Variants in MTA3 observed in about 807,000 individuals in gnomAD.
MTA3 encodes the protein metastasis-associated protein MTA3.
Under a neutral mutation model 83.5 loss-of-function variants are expected in MTA3, and 34 were observed. The observed-to-expected ratio is 0.41, with a 90% CI of 0.31 to 0.54. The LOEUF (loss-of-function observed/expected upper bound fraction) is 0.54. Among genes scored for constraint, MTA3 ranks in the 20% least tolerant of loss-of-function variants. MTA3 has a pLI of 0.33. For missense variants in MTA3, 761 were observed against 726.4 expected (o/e 1.05, Z -0.55); for synonymous variants, 303 against 252.7 (o/e 1.20, Z -1.89).
At chr2:42,578,720 C>T (rs960491802) in intron 2 of MTA3, among the ~76,000 whole-genome samples, 2 of 151,944 alleles carry the variant, frequency 1.3e-5, no homozygotes, top group African/African-American at 2.4e-5. Context: ...AAATTATTTC[C>T]GTCAGTTGTG....
chr2:42,702,343 A>G (rs190752038), intron 11 of MTA3: 1 of 152,390 alleles, frequency 6.6e-6, no homozygotes, highest in Non-Finnish European at 1.5e-5. Context: ...CAGTGGTTAA[A>G]TGATTTCTTC....
chr2:42,508,827 A>T (rs1674763009), intron 2 of MTA3, among the ~76,000 whole-genome samples: 1 of 146,778 alleles, frequency 6.8e-6, no homozygotes, highest in African/African-American at 2.5e-5. Flanking sequence ...GATATATATG[A>T]TATATAATAT....
At chr2:42,626,007 A>G (rs530677749) in intron 4 of MTA3, among the ~76,000 whole-genome samples, 11 of 147,382 alleles carry the variant, frequency 7.5e-5, no homozygotes, top group Non-Finnish European at 1.3e-4. Context: ...CAGTGGCGCA[A>G]TCTCGGCTCA....
intron 8 of MTA3, among the ~76,000 whole-genome samples, chr2:42,662,822 C>T (rs1689852699): frequency 6.6e-6 from 1 of 151,510 alleles, no homozygotes; most frequent in Non-Finnish European, 1.5e-5. Context: ...ATCTCCGCTT[C>T]CCGGGTTCAA....
At chr2:42,619,446 A>T (rs573612881) in intron 4 of MTA3, among the ~76,000 whole-genome samples, 1 of 152,344 alleles carries the variant, frequency 6.6e-6, no homozygotes, top group Admixed American at 6.5e-5. Context: ...ATTTAAAATG[A>T]TATTTATATT....
chr2:42,551,857 G>A (rs1330660891), intron 2 of MTA3, among the ~76,000 whole-genome samples: 2 of 151,972 alleles, frequency 1.3e-5, no homozygotes, highest in East Asian at 3.9e-4. Context: ...CTCCAGAGTA[G>A]CTGGGATTAC....
intron 8 of MTA3, among the ~76,000 whole-genome samples, chr2:42,661,155 G>T (rs567515578): frequency 6.6e-6 from 1 of 152,290 alleles, no homozygotes; most frequent in African/African-American, 2.4e-5. Flanking sequence ...TCCAAAATGG[G>T]TTTGTATTTC....
At chr2:42,560,068 A>T (rs975420165) in intron 2 of MTA3, among the ~76,000 whole-genome samples, 5 of 151,630 alleles carry the variant, frequency 3.3e-5, no homozygotes, top group East Asian at 3.9e-4. Context: ...TTTTAATTTT[A>T]ATTTTTATTT....
intron 8 of MTA3, among the ~76,000 whole-genome samples, chr2:42,660,203 C>T (rs373326157): frequency 4.6e-5 from 7 of 152,228 alleles, no homozygotes; most frequent in African/African-American, 1.7e-4. Flanking sequence ...ATTCTCGTGC[C>T]TCAGCCTCCT....
At chr2:42,730,368 T>TTTG (rs1201188158) in intron 16 of MTA3, among the ~76,000 whole-genome samples, 1 of 152,220 alleles carries the variant, frequency 6.6e-6, no homozygotes, top group African/African-American at 2.4e-5. Flanking sequence ...TATATGGCTT[T>TTTG]TATTGTGTTG....
chr2:42,613,804 G>C (rs1439733847), intron 4 of MTA3: 1 of 152,320 alleles, frequency 6.6e-6, no homozygotes, highest in East Asian at 1.9e-4. Context: ...TCCACCGGAA[G>C]AGAGAGTGGA....
intron 2 of MTA3, among the ~76,000 whole-genome samples, chr2:42,557,387 G>A (rs1677448998): frequency 6.6e-6 from 1 of 152,052 alleles, no homozygotes; most frequent in South Asian, 2.1e-4. Context: ...GGGAGTCAGG[G>A]CTTCCAGAAG....
At chr2:42,602,843 CAG>C (rs777010076) in intron 3 of MTA3, among the ~76,000 whole-genome samples, 41 of 152,308 alleles carry the variant, frequency 2.7e-4, no homozygotes, top group Non-Finnish European at 2.4e-4. Context: ...TTACCAAAGA[CAG>C]GGGCCCAGCC....
At chr2:42,576,842 A>G (rs1679091614) in intron 2 of MTA3, among the ~76,000 whole-genome samples, 2 of 152,162 alleles carry the variant, frequency 1.3e-5, no homozygotes, top group African/African-American at 4.8e-5. Flanking sequence ...AGTTGCAGTG[A>G]GCTGAGATCG....
chr2:42,495,080 G>C (rs1348620958), intron 1 of MTA3: 2 of 152,714 alleles, frequency 1.3e-5, no homozygotes, highest in African/African-American at 4.8e-5. Context: ...GGTAGGGTGA[G>C]ATGCGGTCAT....
Position 42,704,262 on chromosome 2 carries a change from G to A in MTA3, c.1094G>A (p.Gly365Glu), listed in dbSNP as rs779307730. 6 of 1,613,956 alleles carry A rather than the reference G, an allele frequency of 3.7e-6. No homozygotes were observed. In the Admixed American group the frequency reaches 6.7e-5, roughly 18 times the overall value. ...GKPGAVNGAV[G>E]TTFQPQNPLL... ...CCTGGTGCTGTGAATGGAGCTGTGG[G>A]GACCACGTTCCAGCCTCAGAATCCT... Residue 365 changes from glycine (G) to glutamate (E), a missense_variant, in exon 12 of 17, where the codon GGG becomes GAG. Transcript: ENST00000405094.
At chr2:42,594,717 TATA>T (rs1681506750) in intron 3 of MTA3, among the ~76,000 whole-genome samples, 1 of 40,610 alleles carries the variant, frequency 2.5e-5, no homozygotes, top group Non-Finnish European at 3.9e-5. Flanking sequence ...TATATATATA[TATA>T]TATATATATT....
At chr2:42,631,897 C>T (rs1686712053) in intron 4 of MTA3, among the ~76,000 whole-genome samples, 1 of 151,974 alleles carries the variant, frequency 6.6e-6, no homozygotes, top group Non-Finnish European at 1.5e-5. Flanking sequence ...ACCATGTTGG[C>T]CAGGCTGGTC....
At chr2:42,526,995 A>C (rs961164906) in intron 2 of MTA3, among the ~76,000 whole-genome samples, 3 of 138,308 alleles carry the variant, frequency 2.2e-5, no homozygotes, top group Non-Finnish European at 4.6e-5. Context: ...GAGAGGTTGC[A>C]GTGAGCTGAG....
Sources: allele counts gnomAD v4.1 joint callset (sites outside exome capture counted in the v4.1 genomes callset), GRCh38; gene constraint gnomAD v4.1.1; transcripts MANE v1.5; gene names NCBI Gene and HGNC (gene_info 2026-07-23, HGNC 2026-07-21).